ELAPOR2: variants seen among roughly 807,000 people sequenced by gnomAD.
ELAPOR2 encodes endosome-lysosome associated apoptosis and autophagy regulator family member 2.
In ELAPOR2, 89 loss-of-function variants were observed where a neutral mutation model predicts 120.7. That is an observed-to-expected ratio of 0.74 (90% CI 0.62 to 0.88). The LOEUF (loss-of-function observed/expected upper bound fraction) is 0.88. Among genes scored for constraint, ELAPOR2 ranks in the 40% least tolerant of loss-of-function variants. ELAPOR2 has a pLI of 0.00. For missense variants in ELAPOR2, 1,134 were observed against 1,251.6 expected, an observed-to-expected ratio of 0.91 and a Z score of 1.42; for synonymous variants, 444 against 444.9, an observed-to-expected ratio of 1.00 and a Z score of 0.03.
At chr7:86,883,410 A>C (rs951309877) in intron 21 of ELAPOR2, among the ~76,000 whole-genome samples, 1 of 152,210 alleles carries the variant, frequency 6.6e-6, no homozygotes, top group African/African-American at 2.4e-5. Context: ...TGTATAACAA[A>C]CTTCTTAAAA....
chr7:86,883,876 C>T (rs1016800342), intron 21 of ELAPOR2, among the ~76,000 whole-genome samples: 1 of 152,032 alleles, frequency 6.6e-6, no homozygotes, highest in African/African-American at 2.4e-5. Flanking sequence ...GTAATGTGTG[C>T]CTTTCACTTA....
chr7:86,906,717 A>C (rs1789036362), intron 18 of ELAPOR2, among the ~76,000 whole-genome samples: 1 of 152,122 alleles, frequency 6.6e-6, no homozygotes, highest in Non-Finnish European at 1.5e-5. Context: ...AAGGTATCTT[A>C]ACTCAGCAAA....
intron 1 of ELAPOR2, among the ~76,000 whole-genome samples, chr7:87,035,319 T>C (rs1386924574): frequency 4.6e-5 from 7 of 152,124 alleles, no homozygotes; most frequent in African/African-American, 9.7e-5. Flanking sequence ...ATTTTCAGAG[T>C]ATAAAGACAA....
intron 21 of ELAPOR2, among the ~76,000 whole-genome samples, chr7:86,888,831 G>A (rs780265733): frequency 2.6e-5 from 4 of 152,070 alleles, no homozygotes; most frequent in Non-Finnish European, 2.9e-5. Flanking sequence ...CCACTTACAG[G>A]AACAGTCAAC....
At chr7:87,030,148 A>C (rs1291462463) in intron 1 of ELAPOR2, among the ~76,000 whole-genome samples, 2 of 152,170 alleles carry the variant, frequency 1.3e-5, no homozygotes, top group African/African-American at 4.8e-5. Context: ...TCTGTCATAG[A>C]GAGTGCAGAA....
chr7:87,016,368 T>C (rs1352640598), intron 1 of ELAPOR2, among the ~76,000 whole-genome samples: 4 of 151,892 alleles, frequency 2.6e-5, no homozygotes, highest in Non-Finnish European at 4.4e-5. Context: ...ATATATATTT[T>C]CTAATGATAA....
chr7:87,041,005 G>A (rs1322963611), intron 1 of ELAPOR2, among the ~76,000 whole-genome samples: 1 of 152,144 alleles, frequency 6.6e-6, no homozygotes, highest in African/African-American at 2.4e-5. Flanking sequence ...CTGGAAGAAA[G>A]GGTATCAGCG....
At chr7:87,032,653 C>A (rs1794457204) in intron 1 of ELAPOR2, among the ~76,000 whole-genome samples, 1 of 152,174 alleles carries the variant, frequency 6.6e-6, no homozygotes, top group African/African-American at 2.4e-5. Flanking sequence ...GGTCCAGTAC[C>A]TATCATGTGC....
intron 1 of ELAPOR2, among the ~76,000 whole-genome samples, chr7:87,032,033 G>A (rs1195165495): frequency 6.6e-6 from 1 of 152,110 alleles, no homozygotes; most frequent in Non-Finnish European, 1.5e-5. Flanking sequence ...GGGACAGAGT[G>A]GAGGAAGGGT....
At chr7:86,956,707 C>A (rs1791484695) in intron 2 of ELAPOR2, among the ~76,000 whole-genome samples, 1 of 152,134 alleles carries the variant, frequency 6.6e-6, no homozygotes, top group Non-Finnish European at 1.5e-5. Context: ...TATTTTATTG[C>A]AGCTTCTTGA....
intron 1 of ELAPOR2, chr7:86,965,747 T>G: frequency 1.2e-6 from 1 of 840,360 alleles, no homozygotes; most frequent in African/African-American, 1.8e-5. Context: ...CAAAATATTA[T>G]TGGAGCATTT....
intron 1 of ELAPOR2, among the ~76,000 whole-genome samples, chr7:86,985,079 A>T (rs991968057): frequency 6.6e-6 from 1 of 152,192 alleles, no homozygotes; most frequent in Non-Finnish European, 1.5e-5. Flanking sequence ...AAACTAGAAA[A>T]TCTAGAAGAA....
chr7:86,938,093 T>C (rs1292504964), intron 8 of ELAPOR2, 33 bp downstream of exon 8: 2 of 1,490,138 alleles, frequency 1.3e-6, no homozygotes, highest in East Asian at 2.5e-5. Context: ...GTTGCAAAAA[T>C]ATGGGATGGA....
intron 19 of ELAPOR2, among the ~76,000 whole-genome samples, chr7:86,895,180 T>C (rs1788382037): frequency 6.6e-6 from 1 of 152,112 alleles, no homozygotes; most frequent in African/African-American, 2.4e-5. Flanking sequence ...CACGAAGCTT[T>C]GGTATCCAAA....
intron 1 of ELAPOR2, among the ~76,000 whole-genome samples, chr7:87,027,827 T>C (rs1794294779): frequency 6.6e-6 from 1 of 152,146 alleles, no homozygotes; most frequent in Non-Finnish European, 1.5e-5. Context: ...ACCCAGTTTA[T>C]GGAGCTTTGT....
At chr7:86,979,481 A>G (rs1358561343) in intron 1 of ELAPOR2, among the ~76,000 whole-genome samples, 1 of 152,186 alleles carries the variant, frequency 6.6e-6, no homozygotes, top group African/African-American at 2.4e-5. Flanking sequence ...CCTAACAAAC[A>G]AAAACAATAA....
At chr7:87,031,930 C>G (rs116599050) in intron 1 of ELAPOR2, among the ~76,000 whole-genome samples, 1,620 of 152,076 alleles carry the variant, frequency 0.011, 31 homozygotes, top group African/African-American at 0.037. Context: ...CAGCCCCCCA[C>G]CCAAAAAAGA....
intron 21 of ELAPOR2, among the ~76,000 whole-genome samples, chr7:86,888,640 T>A (rs1179865742): frequency 6.6e-6 from 1 of 152,072 alleles, no homozygotes; most frequent in Non-Finnish European, 1.5e-5. Context: ...AACACCAACA[T>A]CTCATTTCCA....
At chr7:86,945,708 C>A (rs1359565613) in intron 3 of ELAPOR2, among the ~76,000 whole-genome samples, 1 of 152,096 alleles carries the variant, frequency 6.6e-6, no homozygotes, top group Non-Finnish European at 1.5e-5. Flanking sequence ...AATAATAACT[C>A]TATGTTACCA....
Sources: gnomAD v4.1 joint callset for allele counts (sites outside exome capture counted in the v4.1 genomes callset) on GRCh38, gnomAD v4.1.1 for gene constraint, MANE v1.5 for transcripts, NCBI Gene and HGNC (gene_info 2026-07-23, HGNC 2026-07-21) for gene names.